CC2D2B: variants seen among roughly 807,000 people sequenced by gnomAD.
CC2D2B encodes protein CC2D2B.
Under a neutral mutation model 161.2 loss-of-function variants are expected in CC2D2B, and 128 were observed. That is an observed-to-expected ratio of 0.79 (90% CI 0.69 to 0.92). The LOEUF (loss-of-function observed/expected upper bound fraction) is 0.92. CC2D2B is among the 40% of genes least tolerant of loss of function. The pLI, the probability that CC2D2B is intolerant of heterozygous loss-of-function variation, is 0.00. For synonymous variants in CC2D2B, 391 were observed against 449.8 expected, an observed-to-expected ratio of 0.87 and a Z score of 1.65; for missense variants, 1,173 against 1,375.1, an observed-to-expected ratio of 0.85 and a Z score of 2.32.
intron 5 of CC2D2B, among the ~76,000 whole-genome samples, chr10:95,926,334 CA>C (rs546713300): frequency 5.3e-5 from 8 of 152,188 alleles, no homozygotes; most frequent in Admixed American, 2.0e-4. Flanking sequence ...CAGAAGATTT[CA>C]GCAAGTGATT....
intron 24 of CC2D2B, among the ~76,000 whole-genome samples, chr10:95,997,103 G>C (rs959380357): frequency 3.9e-5 from 6 of 152,104 alleles, no homozygotes; most frequent in Non-Finnish European, 8.8e-5. Flanking sequence ...ATAAATTTCT[G>C]TTCTTTATAA....
intron 4 of CC2D2B, 133 bp downstream of exon 4, chr10:95,924,523 C>CTT (rs1247349432): frequency 1.8e-6 from 1 of 569,010 alleles, no homozygotes; most frequent in Non-Finnish European, 3.1e-6. Context: ...GTCTTCCTCT[C>CTT]TCTCTCTATA....
intron 3 of CC2D2B, among the ~76,000 whole-genome samples, chr10:95,922,315 C>T (rs1023803544): frequency 7.9e-5 from 12 of 152,156 alleles, no homozygotes; most frequent in African/African-American, 2.9e-4. Flanking sequence ...ATTCCACTGG[C>T]GGTGAGACTG....
Position 95,948,193 on chromosome 10 carries a change from G to A in CC2D2B, c.802-1703G>A, listed in dbSNP as rs565392472. Among the ~76,000 whole-genome samples the A allele has an allele frequency of 5.0e-3, 744 of 148,890 alleles. 7 individuals carry two copies. Among genetic ancestry groups the A allele is most frequent in the African/African-American group, 0.017 (701 of 40,158 alleles). On this transcript the variant is annotated intron_variant, in intron 9 of 34. Coordinates refer to ENST00000646931, the MANE Select transcript of CC2D2B (RefSeq NM_001349008.3). ...ATGGAACCAAAAAAGAGCCCGCATCGCCAAGTCAATCCTAAGCCAAAAGAA... is the reference window on the plus strand; with the variant it reads ...ATGGAACCAAAAAAGAGCCCGCATCACCAAGTCAATCCTAAGCCAAAAGAA...
intron 9 of CC2D2B, among the ~76,000 whole-genome samples, chr10:95,947,082 A>AATATATATATAT (rs1297977316): frequency 6.3e-4 from 25 of 39,492 alleles, no homozygotes; most frequent in Admixed American, 1.5e-3. Context: ...TGGACTCAAA[A>AATATATATATAT]ATATATATAT....
At chr10:96,029,314 A>G (rs1294158202) in intron 34 of CC2D2B, among the ~76,000 whole-genome samples, 2 of 129,074 alleles carry the variant, frequency 1.5e-5, no homozygotes, top group East Asian at 2.3e-4. Flanking sequence ...ATGTATATCT[A>G]TATATGTACT....
chr10:95,965,785 T>TTGTG (rs59230785), intron 12 of CC2D2B, 111 bp from the exon 13 acceptor site: 11,399 of 342,900 alleles, frequency 0.033, 111 homozygotes, highest in South Asian at 0.062. Flanking sequence ...GAGATTGGTT[T>TTGTG]TGTGTGTGTG....
intron 11 of CC2D2B, among the ~76,000 whole-genome samples, chr10:95,956,993 G>C (rs1261328101): frequency 6.6e-6 from 1 of 152,150 alleles, no homozygotes; most frequent in Non-Finnish European, 1.5e-5. Flanking sequence ...GAACTCTGGA[G>C]TCTATTGAAG....
intron 2 of CC2D2B, chr10:95,919,536 A>T (rs1003415624): frequency 1.3e-5 from 2 of 152,150 alleles, no homozygotes; most frequent in Non-Finnish European, 2.9e-5. Flanking sequence ...TTGGGGAAGG[A>T]GTGATGCAGA....
chr10:96,027,176 A>G, intron 33 of CC2D2B, 36 bp from the exon 34 acceptor site: 1 of 1,413,656 alleles, frequency 7.1e-7, no homozygotes, highest in Non-Finnish European at 9.4e-7. Flanking sequence ...ATGAGTTATA[A>G]CTTGTCATAA....
In CC2D2B at chr10:96,003,606, G is replaced by GTGTGTT. The variant is rs1358755702; in HGVS notation, c.2850-541_2850-540insTTGTGT. On this transcript the variant is annotated intron_variant, in intron 24 of 34. Transcript: ENST00000646931. ...GCTAATTGTGTGTGTGTGTGTGTGT[G>GTGTGTT]TGTGTGTGTGTGTGTGTGTGTGTAT... Among the ~76,000 whole-genome samples, 13 of 150,722 alleles carry GTGTGTT rather than the reference G, an allele frequency of 8.6e-5. No homozygotes were observed. In the South Asian group the frequency reaches 2.8e-3, roughly 32 times the overall value.
intron 34 of CC2D2B, among the ~76,000 whole-genome samples, chr10:96,029,241 CATATATATATATATATATATATAT>C (rs56195141): frequency 0.037 from 2,469 of 67,176 alleles, 109 homozygotes; most frequent in African/African-American, 0.082. Flanking sequence ...TTTCATGTAC[CATATATATATATATATATATATAT>C]ATATATATAT....
intron 32 of CC2D2B, chr10:96,020,138 T>A (rs2079388998): frequency 5.0e-6 from 1 of 201,526 alleles, no homozygotes; most frequent in African/African-American, 2.4e-5. Context: ...GACCTAGCCC[T>A]CCTGCGCCAT....
intron 2 of CC2D2B, 111 bp downstream of exon 2, chr10:95,911,470 A>G: frequency 5.0e-6 from 1 of 199,922 alleles, no homozygotes; most frequent in Non-Finnish European, 9.9e-6. Context: ...CAAATCATAA[A>G]TTCATATGTA....
At chr10:95,975,293 C>A (rs567922909) in intron 17 of CC2D2B, among the ~76,000 whole-genome samples, 10 of 152,204 alleles carry the variant, frequency 6.6e-5, no homozygotes, top group Non-Finnish European at 1.3e-4. Flanking sequence ...AAACCAGTAG[C>A]ATATGGCCAG....
chr10:95,982,035 G>C lies in CC2D2B; in HGVS notation c.2004G>C (p.Gln668His), dbSNP rs1436506346. 4 of 1,230,436 alleles carry C rather than the reference G, an allele frequency of 3.3e-6. No individual in the cohort carries two copies. Among genetic ancestry groups the C allele is most frequent in the Non-Finnish European group, 4.1e-6 (4 of 986,452 alleles). The allele number at this position is 1,230,436 out of a possible 1,614,324, so 76.2% of individuals were successfully genotyped here. ...VPGIPWLMNE[Q>H]KLFEWANEVR... ...GAATTCCATGGCTCATGAATGAACA[G>C]AAGCTTTTTGAATGGGCAAATGAAG... The change falls in exon 18 of 35, where the codon CAG (glutamine) becomes CAC (histidine). Residue 668 changes from glutamine (Q) to histidine (H), a missense_variant. Physicochemically the swap from Gln to His is conservative, Grantham distance 24 (BLOSUM62 0). Around this residue, in one of 3 missense-constraint regions of CC2D2B, gnomAD observed 277 missense variants for 420.6 expected, o/e 0.66. Coordinates refer to ENST00000646931, the MANE Select transcript of CC2D2B (RefSeq NM_001349008.3).
intron 33 of CC2D2B, among the ~76,000 whole-genome samples, chr10:96,025,326 C>A: frequency 7.5e-6 from 1 of 133,794 alleles, no homozygotes; most frequent in Non-Finnish European, 1.5e-5. Context: ...CACAACACAC[C>A]ACTGTGTTTC....
chr10:96,018,978 A>T lies in CC2D2B; in HGVS notation c.3631-225A>T, dbSNP rs2901892. On this transcript the variant is annotated intron_variant, in intron 30 of 34. Coordinates refer to ENST00000646931, the MANE Select transcript of CC2D2B (RefSeq NM_001349008.3). ...CTGTGCCCAGCAAATTAAAAAAAAA[A>T]TTTTTTGTGATAGATACAGGGTTTC... 0.66 allele frequency: 223,860 copies of T among 340,444 alleles called. 75,241 individuals carry two copies. Among genetic ancestry groups the T allele is most frequent in the East Asian group, 0.85 (15,407 of 18,126 alleles). 21.1% of individuals were successfully genotyped at this position (340,444 alleles called of 1,614,324 possible).
At chr10:95,921,727 T>C in intron 2 of CC2D2B, 1 of 180,792 alleles carries the variant, frequency 5.5e-6, no homozygotes, top group East Asian at 1.3e-4. Context: ...CTGACGAATA[T>C]TTGAAAAGAT....
Sources: gnomAD v4.1 joint callset for allele counts (sites outside exome capture counted in the v4.1 genomes callset) on GRCh38, gnomAD v4.1.1 for gene constraint, gnomAD v4.1.1 regional missense constraint, MANE v1.5 for transcripts, NCBI Gene and HGNC (gene_info 2026-07-23, HGNC 2026-07-21) for gene names.